The following RELN variants were observed in gnomAD, a reference collection of about 807,000 sequenced individuals.
RELN encodes the protein reelin.
A neutral mutation model predicts 427.6 loss-of-function variants in RELN; 108 were observed. The ratio of observed to expected loss-of-function variants is 0.25; its 90% confidence interval spans 0.22 to 0.30. The LOEUF (loss-of-function observed/expected upper bound fraction) is 0.30. RELN is among the 10% of genes least tolerant of loss of function. The pLI, the probability that RELN is intolerant of heterozygous loss-of-function variation, is 1.00. For missense variants in RELN, 3,715 were observed against 4,302.8 expected, an observed-to-expected ratio of 0.86 and a Z score of 3.82; for synonymous variants, 1,524 against 1,513.4, an observed-to-expected ratio of 1.01 and a Z score of -0.16.
chr7:103,560,893 C>T (rs1830626997), intron 36 of RELN, among the ~76,000 whole-genome samples: 2 of 152,026 alleles, frequency 1.3e-5, no homozygotes, highest in Admixed American at 6.6e-5. Flanking sequence ...GTACAGAAAC[C>T]CATGCAGGTT....
chr7:103,718,626 C>T (rs954539804), intron 8 of RELN, among the ~76,000 whole-genome samples: 1 of 152,116 alleles, frequency 6.6e-6, no homozygotes, highest in Non-Finnish European at 1.5e-5. Context: ...GAAATGTCTG[C>T]ATCACATCAG....
In RELN at chr7:103,603,285, T is replaced by A; in HGVS notation, c.3333+19A>T. The A allele has an allele frequency of 6.2e-7, 1 of 1,602,016 alleles. No individual in the cohort carries two copies. The highest frequency in any genetic ancestry group is 1.7e-4 in the Middle Eastern group (1 of 6,028). On this transcript the variant is annotated intron_variant, in intron 24 of 64. Coordinates refer to ENST00000428762, the MANE Select transcript of RELN (RefSeq NM_005045.4). This position sits in a 1 kb window ranked among gnomAD's most constrained non-coding sequence, Gnocchi z 4.3. ...AACTAGCCATTGCCCCGATGACTTA[T>A]CCCAGCTGTTGGTCATACCTTGCTG... is the stretch of plus-strand genomic sequence containing the variant.
At chr7:103,476,049 G>C (rs1442320885) in intron 64 of RELN, among the ~76,000 whole-genome samples, 1 of 152,126 alleles carries the variant, frequency 6.6e-6, no homozygotes, top group Non-Finnish European at 1.5e-5. Context: ...ACTGTGCCTG[G>C]CCTGGGTGCT....
chr7:103,733,805 G>A (rs1314033984), intron 6 of RELN, among the ~76,000 whole-genome samples: 2 of 151,186 alleles, frequency 1.3e-5, no homozygotes, highest in East Asian at 3.9e-4. Context: ...TGGGGGGAGT[G>A]GGGAGGGATA....
At chr7:103,810,228 T>C (rs13233227) in intron 3 of RELN, among the ~76,000 whole-genome samples, 51,092 of 152,016 alleles carry the variant, frequency 0.34, 8,919 homozygotes, top group South Asian at 0.52. Flanking sequence ...CCGGGGCGTC[T>C]TCTGCTTTCA....
At chr7:103,524,445 A>G (rs1476662322) in intron 46 of RELN, among the ~76,000 whole-genome samples, 1 of 152,228 alleles carries the variant, frequency 6.6e-6, no homozygotes, top group Non-Finnish European at 1.5e-5. Flanking sequence ...AAGCAGAAAT[A>G]TATTTGCTCA....
chr7:103,563,917 G>A lies in RELN; in HGVS notation c.5210+1361C>T, dbSNP rs1017756880. Among the ~76,000 whole-genome samples, 3 of 152,192 alleles carry A rather than the reference G, an allele frequency of 2.0e-5. No homozygotes were observed. The highest frequency in any genetic ancestry group is 7.2e-5 in the African/African-American group (3 of 41,450). On this transcript the variant is annotated intron_variant, in intron 34 of 64. Coordinates refer to ENST00000428762, the MANE Select transcript of RELN (RefSeq NM_005045.4). This position sits in a 1 kb window ranked among gnomAD's most constrained non-coding sequence, Gnocchi z 4.1. Reference sequence around the variant, plus strand: ...GAGGAGCAATAGGCTATATCATACAGCATAGGTGTGTAATAGGCTAAACCA... The same window carrying A: ...GAGGAGCAATAGGCTATATCATACAACATAGGTGTGTAATAGGCTAAACCA...
At chr7:103,790,436 T>C (rs184219923) in intron 3 of RELN, among the ~76,000 whole-genome samples, 20 of 152,308 alleles carry the variant, frequency 1.3e-4, no homozygotes, top group Non-Finnish European at 2.9e-4. Flanking sequence ...TGTATAAACC[T>C]TTGACCATAT....
rs1374348998 is a variant in RELN at position 103,775,161 on chromosome 7, C to G, written c.544+1396G>C. ...AAATTTTCCAGGATATTAATGTTCACTGCTATGTGGTGTTCTATATTTTCA... is the reference window on the plus strand; with the variant it reads ...AAATTTTCCAGGATATTAATGTTCAGTGCTATGTGGTGTTCTATATTTTCA... On this transcript the variant is annotated intron_variant, in intron 4 of 64. Transcript: ENST00000428762. 2.6e-5 allele frequency among the ~76,000 whole-genome samples: 4 copies of G among 152,216 alleles called. No homozygotes were observed. The East Asian group carries it at 7.7e-4, about 29-fold the overall frequency.
At chr7:103,777,883 T>TCACACACACACACACACA (rs201873652) in intron 3 of RELN, among the ~76,000 whole-genome samples, 4,397 of 143,888 alleles carry the variant, frequency 0.031, 99 homozygotes, top group East Asian at 0.066. Flanking sequence ...TGTTATACCT[T>TCACACACACACACACACA]CACACACACA....
rs1053094939 is a variant in RELN at position 103,741,517 on chromosome 7, A to C, written c.656+7909T>G. Among the ~76,000 whole-genome samples the C allele has an allele frequency of 2.0e-5, 3 of 152,160 alleles. No individual in the cohort carries two copies. The South Asian group carries it at 6.2e-4, about 32-fold the overall frequency. On this transcript the variant is annotated intron_variant, in intron 6 of 64. Transcript: ENST00000428762. The stretch of plus-strand genomic sequence containing the variant: ...AATCATGTCTGGGCTTAGAAGGGAT[A>C]GTCTAATGTACAAATATATCACAAG...
chr7:103,649,743 A>G (rs1043086852), intron 16 of RELN, among the ~76,000 whole-genome samples: 1 of 151,304 alleles, frequency 6.6e-6, no homozygotes, highest in African/African-American at 2.4e-5. Flanking sequence ...AATGAAAGAT[A>G]AAAGATTTAA....
At chr7:103,778,947 G>A (rs1791817828) in intron 3 of RELN, among the ~76,000 whole-genome samples, 1 of 152,168 alleles carries the variant, frequency 6.6e-6, no homozygotes, top group South Asian at 2.1e-4. Flanking sequence ...AACTCTTAGG[G>A]TTTAAGGGAG....
chr7:103,738,855 G>C (rs1305772966), intron 6 of RELN, among the ~76,000 whole-genome samples: 2 of 151,488 alleles, frequency 1.3e-5, no homozygotes, highest in African/African-American at 4.9e-5. Context: ...GCTAATTTTT[G>C]TATTTTTCAT....
At chr7:103,772,517 T>C (rs1791594674) in intron 4 of RELN, among the ~76,000 whole-genome samples, 1 of 152,210 alleles carries the variant, frequency 6.6e-6, no homozygotes, top group Admixed American at 6.5e-5. Flanking sequence ...TCCTATTTAA[T>C]GTGCCTTGAG....
chr7:103,705,862 A>G (rs1184267524), intron 8 of RELN, among the ~76,000 whole-genome samples: 1 of 152,244 alleles, frequency 6.6e-6, no homozygotes, highest in African/African-American at 2.4e-5. Flanking sequence ...AGATTAAGGC[A>G]TTAACACAAG....
chr7:103,918,746 C>T (rs910324812), intron 1 of RELN, among the ~76,000 whole-genome samples: 2 of 152,048 alleles, frequency 1.3e-5, no homozygotes, highest in East Asian at 1.9e-4. Context: ...AGACTTTATA[C>T]ATCAGATGAG....
intron 1 of RELN, among the ~76,000 whole-genome samples, chr7:103,958,897 A>T (rs1215622776): frequency 6.6e-6 from 1 of 152,202 alleles, no homozygotes; most frequent in Non-Finnish European, 1.5e-5. Context: ...CAGACAGAAA[A>T]ATAGATTTGA....
At chr7:103,539,595 A>G in intron 44 of RELN, 1 of 476,474 alleles carries the variant, frequency 2.1e-6, no homozygotes, top group South Asian at 2.1e-5. Context: ...TGCAAACGAC[A>G]TGTACCCAAG....
Sources: allele counts gnomAD v4.1 joint callset (sites outside exome capture counted in the v4.1 genomes callset), GRCh38; gene constraint gnomAD v4.1.1; non-coding constraint Gnocchi (gnomAD v3.1); transcripts MANE v1.5; gene names NCBI Gene and HGNC (gene_info 2026-07-23, HGNC 2026-07-21).